Variants in AKNA observed in about 807,000 individuals in gnomAD.
The protein encoded by AKNA is microtubule organization protein AKNA.
AKNA carries 67 observed loss-of-function variants against 138.8 expected under a neutral mutation model. The observed-to-expected ratio is 0.48, with a 90% confidence interval of 0.40 to 0.59. AKNA has a LOEUF of 0.59. Among genes scored for constraint, AKNA ranks in the 20% least tolerant of loss-of-function variants. AKNA has a pLI of 0.00. For synonymous variants in AKNA, 737 were observed against 754.4 expected (o/e 0.98, Z 0.38); for missense variants, 1,813 against 1,880.4 (o/e 0.96, Z 0.66).
intron 14 of AKNA, among the ~76,000 whole-genome samples, chr9:114,352,833 A>C (rs1314308126): frequency 1.3e-5 from 2 of 152,074 alleles, no homozygotes. Context: ...AGGCAGGAGA[A>C]TCTCTTGAAC....
intron 11 of AKNA, 87 bp from the exon 12 acceptor site, chr9:114,358,254 G>T (rs1490877871): frequency 1.5e-5 from 23 of 1,567,454 alleles, no homozygotes; most frequent in Non-Finnish European, 2.0e-5. Flanking sequence ...AAGCAGCCCA[G>T]GGCACAAGCT....
chr9:114,381,218 T>C lies in AKNA; in HGVS notation c.116A>G (p.Gln39Arg). The C allele has an allele frequency of 1.9e-6, 3 of 1,614,162 alleles. No homozygotes were observed. The highest frequency in any genetic ancestry group is 1.7e-6 in the Non-Finnish European group (2 of 1,180,012). ...DKRDVDRSSS[Q>R]SWEEERLFPN... is the part of the protein sequence containing the mutation. ...AAAGAGTCTCTCTTCTTCCCAGCTT[T>C]GTGAACTACTTCTATCCACATCCCT... Residue 39 changes from glutamine (Q) to arginine (R), a missense_variant, in exon 2 of 22, where the codon CAA becomes CGA. Coordinates refer to ENST00000374088, the MANE Select transcript of AKNA (RefSeq NM_001317950.2).
rs780878753 is a variant in AKNA, at chr9:114,361,667, C to T, written c.2124+37G>A. ...ATGAATTAACGAAGAAATGAATGCA[C>T]GAGGGAACAGCCCAATATGGTTGAG... is the stretch of plus-strand genomic sequence containing the variant. On this transcript the variant is annotated intron_variant, in intron 9 of 21. Coordinates refer to ENST00000374088, the MANE Select transcript of AKNA (RefSeq NM_001317950.2). 4.6e-5 allele frequency: 74 copies of T among 1,605,788 alleles called. 1 individual carries two copies. The Admixed American group carries it at 8.5e-4, about 18-fold the overall frequency.
At chr9:114,357,006 T>C in intron 12 of AKNA, 37 bp from the exon 13 acceptor site, 1 of 1,545,612 alleles carries the variant, frequency 6.5e-7, no homozygotes. Flanking sequence ...CTGAGGAATG[T>C]GTCCAAGGCA....
upstream of AKNA, among the ~76,000 whole-genome samples, chr9:114,397,853 T>TC (rs1024199847): frequency 2.0e-5 from 3 of 151,294 alleles, no homozygotes; most frequent in South Asian, 2.1e-4. Context: ...TGTTCTACCT[T>TC]CCCCCCCGCG....
At chr9:114,354,780 T>C (rs1347834995) in intron 14 of AKNA, among the ~76,000 whole-genome samples, 1 of 149,968 alleles carries the variant, frequency 6.7e-6, no homozygotes, top group Non-Finnish European at 1.5e-5. Flanking sequence ...AAAATAATGA[T>C]AAAAAGTATA....
Position 114,377,219 on chromosome 9 carries a change from G to A in AKNA, c.588C>T (p.Ser196=). Residue 196 remains serine, a synonymous_variant, in exon 3 of 22, where the codon AGC becomes AGT. Coordinates refer to ENST00000374088, the MANE Select transcript of AKNA (RefSeq NM_001317950.2). ...TCCCACTGCTCCAGGACCTTGCCGG[G>A]CTGAGTTCAACGGATGGGTTGACCT... ...HSEVNPSVEL[S]PARSWSSGTV... The A allele has an allele frequency of 6.2e-7, 1 of 1,614,202 alleles. No homozygotes were observed. Among genetic ancestry groups the A allele is most frequent in the Non-Finnish European group, 8.5e-7 (1 of 1,180,038 alleles).
rs1023236193 is a variant in AKNA, at chr9:114,336,871, C to T, written c.*183G>A. ...CTGGGAAGTCACTTCTCTTGGTGACCGAGCTGACACCCCCTCCACTTGGAA... is the reference window on the plus strand; with the variant it reads ...CTGGGAAGTCACTTCTCTTGGTGACTGAGCTGACACCCCCTCCACTTGGAA... On this transcript the variant is annotated 3_prime_UTR_variant, in exon 22 of 22. Transcript: ENST00000374088. 29 of 701,260 alleles carry T rather than the reference C, an allele frequency of 4.1e-5. No individual in the cohort carries two copies. Among genetic ancestry groups the T allele is most frequent in the African/African-American group, 7.3e-5 (4 of 55,038 alleles). The allele number at this position is 701,260 out of a possible 1,614,324, so 43.4% of individuals were successfully genotyped here. A position where few individuals can be genotyped will look rare whatever the true frequency, so the allele number is the denominator to read the frequency against.
chr9:114,394,598 ATCAG>A (rs1834471258), upstream of AKNA, among the ~76,000 whole-genome samples: 1 of 152,224 alleles, frequency 6.6e-6, no homozygotes, highest in Admixed American at 6.5e-5. Context: ...AAAGGAAGCA[ATCAG>A]CGCCCAGCCT....
In AKNA at chr9:114,376,639, C is replaced by T. The variant is rs1735577720; in HGVS notation, c.1168G>A (p.Ala390Thr). The T allele has an allele frequency of 1.2e-6, 2 of 1,613,980 alleles. No individual in the cohort carries two copies. Among genetic ancestry groups the T allele is most frequent in the Middle Eastern group, 1.6e-4 (1 of 6,082 alleles). Residue 390 changes from alanine to threonine, a missense_variant, in exon 3 of 22, where the codon GCC becomes ACC. Transcript: ENST00000374088. ...TTGAAGATGAGGGGCCTGGCAGGGG[C>T]CTGAGGCTTCCTGTTGTGGCTTCTG... ...KSRSHNRKPQ[A>T]PARPLIFKSP...
intron 16 of AKNA, 111 bp downstream of exon 16, chr9:114,347,613 G>A: frequency 9.0e-7 from 1 of 1,109,920 alleles, no homozygotes; most frequent in Non-Finnish European, 1.2e-6. Context: ...ATGAGTGAGA[G>A]AGGGATGTGG....
intron 1 of AKNA, among the ~76,000 whole-genome samples, chr9:114,382,054 TG>T: frequency 6.6e-6 from 1 of 152,320 alleles, no homozygotes; most frequent in South Asian, 2.1e-4. Flanking sequence ...TACTGCGTAC[TG>T]GCTCTTCGTG....
intron 15 of AKNA, 104 bp from the exon 16 acceptor site, chr9:114,348,004 G>T (rs1400747731): frequency 7.9e-7 from 1 of 1,273,062 alleles, no homozygotes; most frequent in African/African-American, 1.6e-5. Context: ...CTTCACAGCA[G>T]GCACAGGGTC....
chr9:114,367,441 G>C (rs1264350931), intron 6 of AKNA, 102 bp downstream of exon 6: 1 of 1,393,724 alleles, frequency 7.2e-7, no homozygotes, highest in Non-Finnish European at 9.7e-7. Flanking sequence ...GCAGGGGAAT[G>C]ACAAGTGAGA....
chr9:114,369,095 A>C (rs187594406), intron 4 of AKNA, among the ~76,000 whole-genome samples: 214 of 152,348 alleles, frequency 1.4e-3, no homozygotes, highest in African/African-American at 4.8e-3. Context: ...TATTCGAATG[A>C]ATGAGTGAAC....
intron 20 of AKNA, 92 bp downstream of exon 20, chr9:114,341,917 C>G (rs1011739251): frequency 7.3e-7 from 1 of 1,375,564 alleles, no homozygotes; most frequent in African/African-American, 1.4e-5. Context: ...ACTGGAACAA[C>G]AGCTGCTCCA....
At position 114,343,856 on chromosome 9, in the gene AKNA, T is replaced by C. The variant is rs16928348; in HGVS notation, c.3662-53A>G. On this transcript the variant is annotated intron_variant, in intron 18 of 21. Transcript: ENST00000374088. ...ATCAGCCCTGTGGATGGATGCAAAA[T>C]AGAGGAAGATTCTGGAATAATGATC... is the stretch of plus-strand genomic sequence containing the variant. 16,948 of 1,452,896 alleles carry C rather than the reference T, an allele frequency of 0.012. 1,685 individuals are homozygous for C. In the African/African-American group the frequency reaches 0.21, roughly 18 times the overall value. The allele number at this position is 1,452,896 out of a possible 1,614,324, so 90.0% of individuals were successfully genotyped here.
In AKNA at chr9:114,337,013, G is replaced by GGGGGGC; in HGVS notation, c.*40_*41insGCCCCC. The GGGGGGC allele has an allele frequency of 4.2e-6, 5 of 1,185,354 alleles. No homozygotes were observed. The highest frequency in any genetic ancestry group is 2.5e-5 in the South Asian group (1 of 40,612). 73.4% of individuals were successfully genotyped at this position (1,185,354 alleles called of 1,614,324 possible). On this transcript the variant is annotated 3_prime_UTR_variant, in exon 22 of 22. Transcript: ENST00000374088. ...CCACTCCTGGCCTGGCAGGCCACCT[G>GGGGGGC]CCCACCCACCCACCCATCTGCCTCT...
chr9:114,341,831 C>T (rs940979020), intron 20 of AKNA, 106 bp from the exon 21 acceptor site: 2 of 1,382,042 alleles, frequency 1.4e-6, no homozygotes, highest in Non-Finnish European at 2.0e-6. Flanking sequence ...CTGGACAGGC[C>T]CTACCCTGTG....
Sources: allele counts gnomAD v4.1 joint callset (sites outside exome capture counted in the v4.1 genomes callset), GRCh38; gene constraint gnomAD v4.1.1; transcripts MANE v1.5; gene names NCBI Gene and HGNC (gene_info 2026-07-23, HGNC 2026-07-21).